Variants in ENAH observed in about 807,000 individuals in gnomAD.
The protein encoded by ENAH is protein enabled homolog.
Under a neutral mutation model 78.7 loss-of-function variants are expected in ENAH, and 23 were observed. The ratio of observed to expected loss-of-function variants is 0.29; its 90% confidence interval spans 0.21 to 0.41. ENAH has a LOEUF of 0.41. Ranked by LOEUF, ENAH falls within the 10% of genes least tolerant of loss-of-function variation. The probability of loss-of-function intolerance (pLI) is 1.00; values close to 1 mark genes in which losing one functional copy is unlikely to be tolerated. For missense variants in ENAH, 544 were observed against 691.0 expected, an observed-to-expected ratio of 0.79 and a Z score of 2.39; for synonymous variants, 226 against 241.0, an observed-to-expected ratio of 0.94 and a Z score of 0.58.
chr1:225,547,134 C>G (rs1017521711), intron 3 of ENAH, among the ~76,000 whole-genome samples: 6 of 151,446 alleles, frequency 4.0e-5, no homozygotes, highest in African/African-American at 1.5e-4. Flanking sequence ...TGCAGTGGTG[C>G]AATCTCGGCT....
At chr1:225,534,630 CTT>C (rs1168023472) in intron 3 of ENAH, among the ~76,000 whole-genome samples, 2 of 151,976 alleles carry the variant, frequency 1.3e-5, no homozygotes, top group East Asian at 1.9e-4. Context: ...CATTTAATAA[CTT>C]TATCTCTCTC....
At position 225,519,569 on chromosome 1, in the gene ENAH, GAAAAAAA is replaced by G. The variant is rs34432111; in HGVS notation, c.435-11_435-5del. The G allele has an allele frequency of 3.4e-6, 5 of 1,492,430 alleles. No homozygotes were observed. Among genetic ancestry groups the G allele is most frequent in the African/African-American group, 1.5e-5 (1 of 64,584 alleles). 92.4% of individuals were successfully genotyped at this position (1,492,430 alleles called of 1,614,324 possible). On this transcript the variant is annotated splice_region_variant and splice_polypyrimidine_tract_variant and intron_variant, in intron 4 of 13. Coordinates refer to ENST00000366843, the MANE Select transcript of ENAH (RefSeq NM_018212.6). The stretch of plus-strand genomic sequence containing the variant: ...CCGTTGCTGTTCTTGTAGTTGTCTG[GAAAAAAA>G]AAAAAAAAAGTAAAAACATGCATCT...
intron 1 of ENAH, among the ~76,000 whole-genome samples, chr1:225,618,335 G>C (rs1656176125): frequency 6.6e-6 from 1 of 152,100 alleles, no homozygotes; most frequent in South Asian, 2.1e-4. Context: ...ACAATATCCT[G>C]CCAGCAGCTC....
chr1:225,643,817 G>C (rs1231614709), intron 1 of ENAH, among the ~76,000 whole-genome samples: 1 of 152,110 alleles, frequency 6.6e-6, no homozygotes, highest in Non-Finnish European at 1.5e-5. Flanking sequence ...CACATCTGTA[G>C]TCTCAGCTAC....
At chr1:225,633,095 T>C (rs146027038) in intron 1 of ENAH, among the ~76,000 whole-genome samples, 390 of 151,286 alleles carry the variant, frequency 2.6e-3, no homozygotes, top group African/African-American at 9.3e-3. Flanking sequence ...CAGGCTGAAG[T>C]GCAGTGGCGC....
At chr1:225,646,224 TTA>T (rs150914313) in intron 1 of ENAH, among the ~76,000 whole-genome samples, 6,364 of 152,140 alleles carry the variant, frequency 0.042, 212 homozygotes, top group South Asian at 0.1. Flanking sequence ...CCCCTAAAAT[TTA>T]TATGTTAATA....
chr1:225,576,629 C>A (rs1362653549), intron 1 of ENAH, among the ~76,000 whole-genome samples: 1 of 152,084 alleles, frequency 6.6e-6, no homozygotes, highest in African/African-American at 2.4e-5. Flanking sequence ...AAAGAAAAAG[C>A]TTTACAGCAA....
intron 11 of ENAH, among the ~76,000 whole-genome samples, 169 bp downstream of exon 11, chr1:225,507,782 A>G (rs1558719080): frequency 6.6e-6 from 1 of 152,144 alleles, no homozygotes; most frequent in Non-Finnish European, 1.5e-5. Context: ...AGTAATGTAG[A>G]TGAGTAATAT....
At chr1:225,515,406 C>G (rs1471962522) in intron 6 of ENAH, 1 of 152,404 alleles carries the variant, frequency 6.6e-6, no homozygotes, top group Non-Finnish European at 1.5e-5. Flanking sequence ...GAGTAAGTCC[C>G]AGCTTCAGCA....
chr1:225,513,081 T>G (rs922684999), intron 7 of ENAH, 65 bp from the exon 8 acceptor site: 2 of 1,377,970 alleles, frequency 1.5e-6, no homozygotes, highest in African/African-American at 2.9e-5. Context: ...ATTAATATAT[T>G]ACATCTAAAA....
chr1:225,563,513 T>C (rs978660931), intron 2 of ENAH, among the ~76,000 whole-genome samples: 1 of 152,222 alleles, frequency 6.6e-6, no homozygotes, highest in Admixed American at 6.5e-5. Flanking sequence ...TTTTATCAAA[T>C]GCTTTTTCCA....
At chr1:225,525,711 C>A (rs997878437) in intron 4 of ENAH, among the ~76,000 whole-genome samples, 1 of 152,192 alleles carries the variant, frequency 6.6e-6, no homozygotes, top group African/African-American at 2.4e-5. Context: ...CAGAACACAT[C>A]TTCCAATAGC....
At chr1:225,500,249 A>G in intron 12 of ENAH, among the ~76,000 whole-genome samples, 1 of 152,224 alleles carries the variant, frequency 6.6e-6, no homozygotes, top group East Asian at 1.9e-4. Flanking sequence ...TCTTCTGTGA[A>G]TAAGGTATTT....
chr1:225,649,030 G>A (rs866674992), intron 1 of ENAH, among the ~76,000 whole-genome samples: 2 of 152,176 alleles, frequency 1.3e-5, no homozygotes, highest in Middle Eastern at 6.8e-3. Context: ...TACCCAAATA[G>A]TCTAACATAG....
At chr1:225,596,606 TAA>T (rs1247969329) in intron 1 of ENAH, among the ~76,000 whole-genome samples, 1 of 152,164 alleles carries the variant, frequency 6.6e-6, no homozygotes, top group Non-Finnish European at 1.5e-5. Context: ...GAAACAATAA[TAA>T]AAGACTAGAA....
intron 1 of ENAH, among the ~76,000 whole-genome samples, chr1:225,575,339 G>A (rs1311442888): frequency 6.6e-6 from 1 of 151,960 alleles, no homozygotes; most frequent in Non-Finnish European, 1.5e-5. Flanking sequence ...GCTTCCAGAG[G>A]GATATTTTTA....
chr1:225,580,445 G>A (rs2096810444), intron 1 of ENAH, among the ~76,000 whole-genome samples: 2 of 152,062 alleles, frequency 1.3e-5, no homozygotes, highest in South Asian at 2.1e-4. Flanking sequence ...CATTTTGACT[G>A]CATTTATGAA....
rs781433637 is a variant in ENAH, at chr1:225,514,624, G to A, written c.1190C>T (p.Ala397Val). 12 of 1,611,818 alleles carry A rather than the reference G, an allele frequency of 7.4e-6. No individual in the cohort carries two copies. The South Asian group carries it at 1.3e-4, about 18-fold the overall frequency. ...RPLTGLAAAI[A>V]GAKLRKVSRM... Reference sequence around the variant, plus strand: ...TGACACTTTCCTAAGTTTTGCTCCGGCAATTGCAGCTGCAAGTCCAGTTAA... The same window carrying A: ...TGACACTTTCCTAAGTTTTGCTCCGACAATTGCAGCTGCAAGTCCAGTTAA... The change falls in exon 7 of 14, where the codon GCC (alanine) becomes GTC (valine). Residue 397 changes from alanine (A) to valine (V), a missense_variant. Physicochemically the swap from Ala to Val is moderately conservative, Grantham distance 64 (BLOSUM62 0). Coordinates refer to ENST00000366843, the MANE Select transcript of ENAH (RefSeq NM_018212.6).
Position 225,519,266 on chromosome 1 carries a change from C to T in ENAH, c.734G>A (p.Arg245Lys). The T allele has an allele frequency of 6.2e-7, 1 of 1,614,124 alleles. No individual in the cohort carries two copies. ...LERLERERQE[R>K]ERQEQLEREQ... ...CCTTTCTAACTGCTCTTGTCGCTCC[C>T]TTTCTTGCCTCTCCCGTTCCAGTCT... Residue 245 changes from arginine (R) to lysine (K), a missense_variant, in exon 5 of 14, where the codon AGG (arginine) becomes AAG (lysine). This residue lies in a region of ENAH where 366 missense variants were observed against 396.1 expected (regional missense o/e 0.92). Coordinates refer to ENST00000366843, the MANE Select transcript of ENAH (RefSeq NM_018212.6).
Sources: allele counts gnomAD v4.1 joint callset (sites outside exome capture counted in the v4.1 genomes callset), GRCh38; gene constraint gnomAD v4.1.1; regional missense constraint gnomAD v4.1.1; transcripts MANE v1.5; gene names NCBI Gene and HGNC (gene_info 2026-07-23, HGNC 2026-07-21).